The following ZFTRAF1 variants were observed in gnomAD, a reference collection of about 807,000 sequenced individuals.
ZFTRAF1 encodes zinc finger TRAF-type and ring finger containing 1.
At chr8:144,457,882 C>T in the ZFTRAF1 span, 7 of 152,292 alleles carry the variant, frequency 4.6e-5, no homozygotes, top group African/African-American at 1.7e-4. Context: ...GAGCAGTGCC[C>T]TCGCTCACCC....
chr8:144,459,155 CTG>C, the ZFTRAF1 span, among the ~76,000 whole-genome samples: 1 of 152,246 alleles, frequency 6.6e-6, no homozygotes, highest in East Asian at 1.9e-4. Flanking sequence ...ACCGCTGAGG[CTG>C]TCTCTTCCCA....
At chr8:144,461,404 G>A in the ZFTRAF1 span, among the ~76,000 whole-genome samples, 2 of 152,198 alleles carry the variant, frequency 1.3e-5, no homozygotes, top group African/African-American at 4.8e-5. Context: ...GTGTCAACCA[G>A]TTTGTCCCTG....
chr8:144,458,648 C>T, the ZFTRAF1 span, among the ~76,000 whole-genome samples: 58,543 of 152,048 alleles, frequency 0.39, 13,164 homozygotes, highest in South Asian at 0.57. Flanking sequence ...GAGACATGGG[C>T]GCTACAGGCG....
chr8:144,450,215 G>A, the ZFTRAF1 span: 2 of 589,070 alleles, frequency 3.4e-6, no homozygotes, highest in Non-Finnish European at 3.0e-6. Flanking sequence ...GGAGGCGGGG[G>A]CCCCGTCGCG....
chr8:144,453,716 C>G, the ZFTRAF1 span: 5 of 442,920 alleles, frequency 1.1e-5, no homozygotes, highest in Non-Finnish European at 2.1e-5. Flanking sequence ...ACAGAGGTGA[C>G]AGCTCGCCCT....
chr8:144,462,102 G>A, the ZFTRAF1 span, among the ~76,000 whole-genome samples: 15 of 152,282 alleles, frequency 9.9e-5, no homozygotes, highest in East Asian at 3.9e-4. Flanking sequence ...GAAAGACAAC[G>A]AGGAGCTTCG....
At chr8:144,452,482 G>A in the ZFTRAF1 span, 1 of 1,547,486 alleles carries the variant, frequency 6.5e-7, no homozygotes, top group Non-Finnish European at 8.7e-7. Context: ...GTCTTGGTCG[G>A]GTGGGCGCAC....
chr8:144,452,191 C>T, the ZFTRAF1 span: 25 of 794,092 alleles, frequency 3.1e-5, no homozygotes, highest in Admixed American at 3.0e-4. Flanking sequence ...CAGTCTCCGG[C>T]CTGTCTTCTC....
At chr8:144,452,612 C>G in the ZFTRAF1 span, 1 of 1,509,798 alleles carries the variant, frequency 6.6e-7, no homozygotes, top group South Asian at 1.2e-5. Flanking sequence ...GAGCCCCGAA[C>G]AGGAGGCTGC....
At chr8:144,452,366 G>A in the ZFTRAF1 span, 2 of 1,549,192 alleles carry the variant, frequency 1.3e-6, no homozygotes, top group Non-Finnish European at 1.7e-6. Context: ...CACCTGTGTA[G>A]CCAATCTTCT....
chr8:144,462,109 T>G, the ZFTRAF1 span, among the ~76,000 whole-genome samples: 9 of 152,002 alleles, frequency 5.9e-5, no homozygotes, highest in Non-Finnish European at 1.3e-4. Context: ...AACGAGGAGC[T>G]TCGGAGCAGC....
the ZFTRAF1 span, among the ~76,000 whole-genome samples, chr8:144,461,937 T>C: frequency 6.6e-6 from 1 of 151,884 alleles, no homozygotes; most frequent in Non-Finnish European, 1.5e-5. Context: ...AAGGATCAGT[T>C]TGAGGCTGTG....
the ZFTRAF1 span, chr8:144,462,338 T>C: frequency 1.9e-6 from 1 of 514,560 alleles, no homozygotes; most frequent in South Asian, 2.6e-5. Flanking sequence ...CAGCACCGAG[T>C]AGAGCCGCTC....
chr8:144,453,320 C>T, the ZFTRAF1 span: 1 of 1,551,220 alleles, frequency 6.4e-7, no homozygotes, highest in African/African-American at 1.4e-5. Flanking sequence ...TCACGGCTTT[C>T]TCCACGGCCA....
At chr8:144,457,865 C>G in the ZFTRAF1 span, 1 of 152,290 alleles carries the variant, frequency 6.6e-6, no homozygotes, top group Non-Finnish European at 1.5e-5. Flanking sequence ...AGTGCCCAGG[C>G]CCATGGGAGC....
chr8:144,462,312 G>A, the ZFTRAF1 span: 1 of 600,142 alleles, frequency 1.7e-6, no homozygotes, highest in Non-Finnish European at 3.0e-6. Flanking sequence ...GGCAGGTCCA[G>A]GCACACGGTG....
chr8:144,451,113 G>C, the ZFTRAF1 span: 1 of 271,274 alleles, frequency 3.7e-6, no homozygotes, highest in East Asian at 6.6e-5. Context: ...CAGACACACA[G>C]ACAGGATGCG....
chr8:144,450,253 C>A, the ZFTRAF1 span: 1 of 618,694 alleles, frequency 1.6e-6, no homozygotes, highest in South Asian at 1.8e-5. Context: ...CCTGTGTTGG[C>A]TTCGTTTGTT....
the ZFTRAF1 span, chr8:144,449,782 G>A: frequency 3.0e-4 from 47 of 159,262 alleles, no homozygotes; most frequent in Non-Finnish European, 5.6e-4. Context: ...ATGACAGAGT[G>A]TAGGGGGAGG....
Sources: gnomAD v4.1 joint callset for allele counts (sites outside exome capture counted in the v4.1 genomes callset) on GRCh38, gnomAD v4.1.1 for gene constraint, MANE v1.5 for transcripts, NCBI Gene and HGNC (gene_info 2026-07-23, HGNC 2026-07-21) for gene names.